The following CEP83 variants were observed in gnomAD, a reference collection of about 807,000 sequenced individuals.
The protein encoded by CEP83 is centrosomal protein of 83 kDa.
A neutral mutation model predicts 101.9 loss-of-function variants in CEP83; 70 were observed. The observed-to-expected ratio is 0.69, with a 90% CI of 0.57 to 0.84. The LOEUF is 0.84. CEP83 is among the 40% of genes least tolerant of loss of function. The probability of loss-of-function intolerance (pLI) is 0.00; values close to 1 mark genes in which losing one functional copy is unlikely to be tolerated. For missense variants in CEP83, 715 were observed against 787.2 expected, an observed-to-expected ratio of 0.91 and a Z score of 1.10; for synonymous variants, 264 against 267.9, an observed-to-expected ratio of 0.99 and a Z score of 0.14.
intron 1 of CEP83, among the ~76,000 whole-genome samples, chr12:94,455,605 T>C (rs1371994599): frequency 1.3e-5 from 2 of 152,186 alleles, no homozygotes; most frequent in African/African-American, 2.4e-5. Flanking sequence ...AGACAGAAGA[T>C]AGGTGCTTTC....
At chr12:94,285,412 G>T in the CEP83 span, among the ~76,000 whole-genome samples, 1 of 152,168 alleles carries the variant, frequency 6.6e-6, no homozygotes, top group Non-Finnish European at 1.5e-5. Flanking sequence ...GGTTGCGTTG[G>T]GTGATGACTG....
At chr12:94,360,766 T>G (rs933145280) in intron 11 of CEP83, among the ~76,000 whole-genome samples, 2 of 151,998 alleles carry the variant, frequency 1.3e-5, no homozygotes, top group African/African-American at 2.4e-5. Flanking sequence ...AAAATTTGCA[T>G]GGAGTCACAA....
intron 6 of CEP83, among the ~76,000 whole-genome samples, chr12:94,395,863 C>A (rs114374066): frequency 2.1e-4 from 32 of 152,144 alleles, no homozygotes; most frequent in African/African-American, 7.5e-4. Context: ...TTCCAGGGAA[C>A]CAGGGGAGTT....
chr12:94,344,338 C>T (rs950946428), intron 11 of CEP83, among the ~76,000 whole-genome samples: 5 of 152,264 alleles, frequency 3.3e-5, no homozygotes, highest in Middle Eastern at 3.4e-3. Context: ...GCACTAAATA[C>T]TCTTACCAAT....
chr12:94,440,747 A>C (rs982231730), intron 1 of CEP83, among the ~76,000 whole-genome samples: 2 of 152,216 alleles, frequency 1.3e-5, no homozygotes, highest in Non-Finnish European at 1.5e-5. Flanking sequence ...CACAAAGAAC[A>C]GATCTGGAGG....
At chr12:94,312,866 T>C (rs1170870058) in intron 15 of CEP83, 48 bp downstream of exon 15, 2 of 1,278,700 alleles carry the variant, frequency 1.6e-6, no homozygotes, top group South Asian at 1.4e-5. Flanking sequence ...CAAAGTTCTA[T>C]GACATCAAAA....
chr12:94,278,586 A>T, the CEP83 span, among the ~76,000 whole-genome samples: 1 of 152,260 alleles, frequency 6.6e-6, no homozygotes, highest in African/African-American at 2.4e-5. Flanking sequence ...TGCAAGAATC[A>T]TAGTATGGGG....
intron 14 of CEP83, among the ~76,000 whole-genome samples, chr12:94,330,076 C>T (rs750952433): frequency 3.9e-5 from 6 of 152,254 alleles, no homozygotes; most frequent in Middle Eastern, 3.4e-3. Context: ...AATAACTGAA[C>T]GATCTACAGT....
chr12:94,372,966 G>A (rs765651917), intron 8 of CEP83, among the ~76,000 whole-genome samples: 3 of 152,002 alleles, frequency 2.0e-5, no homozygotes, highest in Middle Eastern at 3.2e-3. Context: ...TTTACTTAAC[G>A]TATGAAAATG....
At position 94,378,862 on chromosome 12, in the gene CEP83, G is replaced by A. The variant is rs779494276; in HGVS notation, c.730C>T (p.Gln244Ter). ...LKAEKENSEA[Q>*]VENAQRIQVR... Reference sequence around the variant, plus strand: ...TGTATTCTTTGGGCATTTTCCACCTGAGCCTCAGAATTCTCCTTTTCAGCC... The same window carrying A: ...TGTATTCTTTGGGCATTTTCCACCTAAGCCTCAGAATTCTCCTTTTCAGCC... Residue 244 changes from glutamine (Q) to a stop codon, truncating the protein, a stop_gained, in exon 7 of 17, where the codon CAG becomes TAG. Coordinates refer to ENST00000397809, the MANE Select transcript of CEP83 (RefSeq NM_016122.3). LOFTEE classifies it high-confidence loss of function. 6.2e-7 allele frequency: 1 copy of A among 1,614,026 alleles called. No individual in the cohort carries two copies. Among genetic ancestry groups the A allele is most frequent in the Non-Finnish European group, 8.5e-7 (1 of 1,179,970 alleles).
Position 94,315,462 on chromosome 12 carries a change from T to C in CEP83, c.1708-2445A>G, listed in dbSNP as rs190977711. On this transcript the variant is annotated intron_variant, in intron 14 of 16. Transcript: ENST00000397809. ...ATTCCTACTGATTTGTAGTTCTTTATATATTCAAGATATGAATCGTATGTC... is the reference window on the plus strand; with the variant it reads ...ATTCCTACTGATTTGTAGTTCTTTACATATTCAAGATATGAATCGTATGTC... 5.6e-3 allele frequency among the ~76,000 whole-genome samples: 851 copies of C among 152,282 alleles called. 12 individuals carry two copies. The highest frequency in any genetic ancestry group is 5.4e-3 in the Non-Finnish European group (369 of 67,992).
intron 11 of CEP83, among the ~76,000 whole-genome samples, chr12:94,355,258 C>T (rs1454300358): frequency 2.0e-5 from 3 of 152,088 alleles, no homozygotes; most frequent in Non-Finnish European, 2.9e-5. Flanking sequence ...CTTTGGGAGG[C>T]CAAGGCGGGT....
At chr12:94,372,329 G>A (rs2061344615) in intron 8 of CEP83, among the ~76,000 whole-genome samples, 1 of 152,174 alleles carries the variant, frequency 6.6e-6, no homozygotes, top group Non-Finnish European at 1.5e-5. Context: ...TTTATAAAAT[G>A]ATGTTTACAT....
the CEP83 span, chr12:94,279,793 C>T: frequency 6.4e-6 from 5 of 775,438 alleles, no homozygotes; most frequent in South Asian, 7.4e-5. Context: ...GAGGGCATGT[C>T]TAGGGGCCAA....
At chr12:94,415,357 A>G (rs545574601) in intron 2 of CEP83, among the ~76,000 whole-genome samples, 9 of 152,282 alleles carry the variant, frequency 5.9e-5, no homozygotes, top group African/African-American at 1.7e-4. Flanking sequence ...AGGTCTGGGC[A>G]AATTATGAAA....
chr12:94,355,289 C>G (rs1052290101), intron 11 of CEP83, among the ~76,000 whole-genome samples: 1 of 151,986 alleles, frequency 6.6e-6, no homozygotes, highest in Non-Finnish European at 1.5e-5. Context: ...GTCAGGAGAT[C>G]GAGACTATCC....
In CEP83 at chr12:94,419,377, A is replaced by C. The variant is rs184048598; in HGVS notation, c.-101-6786T>G. On this transcript the variant is annotated intron_variant, in intron 2 of 16. Transcript: ENST00000397809. Reference sequence around the variant, plus strand: ...ACAAACTAAAAAAGACCTAATAGAGATATGGACTAGGTGTATGGATTAGAA... The same window carrying C: ...ACAAACTAAAAAAGACCTAATAGAGCTATGGACTAGGTGTATGGATTAGAA... Among the ~76,000 whole-genome samples the C allele has an allele frequency of 1.4e-3, 206 of 152,246 alleles. 1 individual carries two copies. Among genetic ancestry groups the C allele is most frequent in the Middle Eastern group, 3.4e-3 (1 of 294 alleles).
chr12:94,311,535 G>A (rs1969865216), intron 15 of CEP83, among the ~76,000 whole-genome samples: 1 of 152,156 alleles, frequency 6.6e-6, no homozygotes, highest in East Asian at 1.9e-4. Flanking sequence ...CAGGTAGACA[G>A]GATCAGACCT....
chr12:94,307,506 ACTT>A (rs1447307076), downstream of CEP83: 3 of 152,138 alleles, frequency 2.0e-5, no homozygotes, highest in Admixed American at 2.0e-4. Flanking sequence ...CCATTTATAA[ACTT>A]TTTTTTCTAA....
Sources: gnomAD v4.1 joint callset for allele counts (sites outside exome capture counted in the v4.1 genomes callset) on GRCh38, gnomAD v4.1.1 for gene constraint, MANE v1.5 for transcripts, NCBI Gene and HGNC (gene_info 2026-07-23, HGNC 2026-07-21) for gene names.